MDN1: variants seen among roughly 807,000 people sequenced by gnomAD.
MDN1 encodes midasin.
Under a neutral mutation model 669.2 loss-of-function variants are expected in MDN1, and 266 were observed. The ratio of observed to expected loss-of-function variants is 0.40; its 90% CI spans 0.36 to 0.44. The LOEUF (loss-of-function observed/expected upper bound fraction) is 0.44, where lower values mean the gene tolerates loss of function less well. Ranked by LOEUF, MDN1 falls within the 20% of genes least tolerant of loss-of-function variation. The pLI, the probability that MDN1 is intolerant of heterozygous loss-of-function variation, is 1.00. For missense variants in MDN1, 5,940 were observed against 6,754.0 expected, an observed-to-expected ratio of 0.88 and a Z score of 4.22; for synonymous variants, 2,385 against 2,457.1, an observed-to-expected ratio of 0.97 and a Z score of 0.87.
intron 17 of MDN1, among the ~76,000 whole-genome samples, chr6:89,759,352 C>T (rs976922790): frequency 6.6e-6 from 1 of 152,214 alleles, no homozygotes; most frequent in Non-Finnish European, 1.5e-5. Context: ...GATTGTCATA[C>T]ACTGCCTTTC....
At position 89,751,601 on chromosome 6, in the gene MDN1, C is replaced by T. The variant is rs773766917; in HGVS notation, c.3076-19G>A. 6.2e-6 allele frequency: 10 copies of T among 1,610,134 alleles called. No individual in the cohort carries two copies. The highest frequency in any genetic ancestry group is 8.5e-6 in the Non-Finnish European group (10 of 1,178,344). ...GAATAGGCTGAAAGACACAGAAGTT[C>T]AAGGAATAACCCACAGTTGTACATT... On this transcript the variant is annotated intron_variant, in intron 22 of 101. Transcript: ENST00000369393.
At chr6:89,817,843 G>T (rs1584418022) in intron 1 of MDN1, among the ~76,000 whole-genome samples, 1 of 129,416 alleles carries the variant, frequency 7.7e-6, no homozygotes, top group Admixed American at 7.9e-5. Flanking sequence ...ACGGATAACT[G>T]TTGTAAGGGG....
chr6:89,798,346 C>G (rs2128328133), intron 2 of MDN1, among the ~76,000 whole-genome samples: 1 of 151,816 alleles, frequency 6.6e-6, no homozygotes, highest in East Asian at 2.0e-4. Flanking sequence ...AACCCCGTCT[C>G]TACTAAAAAG....
chr6:89,689,947 G>C lies in MDN1; in HGVS notation c.10946C>G (p.Ala3649Gly). The C allele has an allele frequency of 6.2e-7, 1 of 1,614,232 alleles. No homozygotes were observed. Among genetic ancestry groups the C allele is most frequent in the Non-Finnish European group, 8.5e-7 (1 of 1,180,036 alleles). The part of the protein sequence containing the change: ...WYQQTLPPHE[A>G]KHYLSLFLSC... ...CAGAAACAGGCTGAGGTAATGCTTT[G>C]CTTCATGTGGCGGCAGAGTCTGTTG... The change falls in exon 65 of 102, where the codon GCA becomes GGA. Residue 3649 changes from alanine (A) to glycine (G), a missense_variant. Around this residue, in one of 5 missense-constraint regions of MDN1, gnomAD observed 2,280 missense variants for 2,576.3 expected, o/e 0.88. Coordinates refer to ENST00000369393, the MANE Select transcript of MDN1 (RefSeq NM_014611.3).
Position 89,696,533 on chromosome 6 carries a change from G to A in MDN1, c.9210C>T (p.Cys3070=). The part of the protein sequence containing the change: ...NLNRPIFSKC[C]FEVLTSSWRA... ...TCCAGCTGCTGGTTAAGACTTCAAAGCAGCACTTAGAGAATATGGGTCTAT... is the reference window on the plus strand; with the variant it reads ...TCCAGCTGCTGGTTAAGACTTCAAAACAGCACTTAGAGAATATGGGTCTAT... Residue 3070 remains cysteine (C), a synonymous_variant, in exon 60 of 102, where the codon TGC becomes TGT. Coordinates refer to ENST00000369393, the MANE Select transcript of MDN1 (RefSeq NM_014611.3). 6.2e-7 allele frequency: 1 copy of A among 1,614,176 alleles called. No individual in the cohort carries two copies. Among genetic ancestry groups the A allele is most frequent in the South Asian group, 1.1e-5 (1 of 91,090 alleles).
At chr6:89,749,071 A>G (rs1816820151) in intron 26 of MDN1, 152 bp downstream of exon 26, 5 of 739,020 alleles carry the variant, frequency 6.8e-6, no homozygotes, top group African/African-American at 1.8e-5. Flanking sequence ...CTTGCAAAAA[A>G]TAAATAATAA....
intron 46 of MDN1, among the ~76,000 whole-genome samples, chr6:89,713,710 CT>C (rs1814114811): frequency 6.6e-6 from 1 of 152,144 alleles, no homozygotes. Context: ...CTCTCTGAGT[CT>C]TATCTGAAAA....
At chr6:89,671,133 G>A in intron 82 of MDN1, 53 bp from the exon 83 acceptor site, 1 of 1,570,970 alleles carries the variant, frequency 6.4e-7, no homozygotes, top group Non-Finnish European at 8.7e-7. Flanking sequence ...CAGGTACCAG[G>A]TTTCCATTCT....
intron 84 of MDN1, among the ~76,000 whole-genome samples, chr6:89,666,497 T>C (rs927831148): frequency 1.3e-5 from 2 of 152,168 alleles, no homozygotes; most frequent in East Asian, 1.9e-4. Context: ...TTTTTTGTTT[T>C]GTTTTGTTTT....
At chr6:89,704,150 G>A (rs1009410538) in intron 53 of MDN1, among the ~76,000 whole-genome samples, 3 of 151,978 alleles carry the variant, frequency 2.0e-5, no homozygotes, top group African/African-American at 7.3e-5. Flanking sequence ...GGAGGTTGAC[G>A]CAGGTGGATC....
rs1816559139 is a variant in MDN1 at position 89,745,481 on chromosome 6, G to C, written c.4039+11C>G. 1 of 1,613,964 alleles carries C rather than the reference G, an allele frequency of 6.2e-7. No homozygotes were observed. The highest frequency in any genetic ancestry group is 1.3e-5 in the African/African-American group (1 of 75,004). On this transcript the variant is annotated intron_variant, in intron 28 of 101. Coordinates refer to ENST00000369393, the MANE Select transcript of MDN1 (RefSeq NM_014611.3). ...CAAATCATATTCCTCTAGGGATTTT[G>C]GCCTACTCACCCAGCAATTTTAGAA...
chr6:89,683,947 G>T, intron 71 of MDN1, 43 bp from the exon 72 acceptor site: 1 of 1,404,032 alleles, frequency 7.1e-7, no homozygotes, highest in Non-Finnish European at 1.0e-6. Flanking sequence ...TATAAAGCTA[G>T]TGTCATTCTG....
In MDN1 at chr6:89,696,558, T is replaced by C. The variant is rs146744786; in HGVS notation, c.9185A>G (p.Asn3062Ser). ...GCAGCACTTAGAGAATATGGGTCTA[T>C]TGAGATTGCCGGGGCCCTAAAGGAC... ...DSTLKGPGNL[N>S]RPIFSKCCFE... The change falls in exon 60 of 102, where the codon AAT (asparagine) becomes AGT (serine). Residue 3062 changes from asparagine (N) to serine (S), a missense_variant. Physicochemically the swap from Asn to Ser is conservative, Grantham distance 46. Coordinates refer to ENST00000369393, the MANE Select transcript of MDN1 (RefSeq NM_014611.3). The C allele has an allele frequency of 2.1e-5, 34 of 1,613,808 alleles. No homozygotes were observed. The highest frequency in any genetic ancestry group is 1.6e-4 in the Middle Eastern group (1 of 6,076).
intron 61 of MDN1, 143 bp from the exon 62 acceptor site, chr6:89,694,326 T>TA: frequency 1.5e-6 from 1 of 651,886 alleles, no homozygotes; most frequent in Non-Finnish European, 2.7e-6. Context: ...TCTGCTCCAT[T>TA]AATCTACACC....
At chr6:89,694,575 G>A (rs371287648) in intron 61 of MDN1, among the ~76,000 whole-genome samples, 14 of 152,058 alleles carry the variant, frequency 9.2e-5, no homozygotes, top group African/African-American at 2.7e-4. Flanking sequence ...ACAAGGTCTC[G>A]GCTCTGTAGC....
intron 26 of MDN1, among the ~76,000 whole-genome samples, chr6:89,747,747 C>T (rs746364221): frequency 3.3e-5 from 5 of 150,770 alleles, no homozygotes; most frequent in Non-Finnish European, 7.4e-5. Flanking sequence ...AAAAATTAGC[C>T]GGGCGTGGTG....
chr6:89,680,729 T>G lies in MDN1; in HGVS notation c.12125A>C (p.Gln4042Pro). The G allele has an allele frequency of 6.2e-7, 1 of 1,614,100 alleles. No individual in the cohort carries two copies. Among genetic ancestry groups the G allele is most frequent in the Non-Finnish European group, 8.5e-7 (1 of 1,179,988 alleles). The change falls in exon 74 of 102, where the codon CAG (glutamine) becomes CCG (proline). Residue 4042 changes from glutamine (Q) to proline (P), a missense_variant. Gln to Pro is a moderately conservative substitution (Grantham distance 76, BLOSUM62 -1). Transcript: ENST00000369393. ...AGQATIPEWC[Q>P]GAAPSGLEGE... ...TTCCAAGCCGGAAGGAGCAGCGCCC[T>G]GACACCACTCTGGAATTGTGGCCTG... is the stretch of plus-strand genomic sequence containing the variant.
In MDN1 at chr6:89,794,590, T is replaced by C; in HGVS notation, c.541A>G (p.Thr181Ala). ...ACAGCTACGCACCAGCGAACCAAGG[T>C]GTCATGGCTTCTGAGGAGAGGGACA... Reference protein sequence around the residue: ...VCVPLLRSHDTLVRWYTANCL... With the variant: ...VCVPLLRSHDALVRWYTANCL... Residue 181 changes from threonine to alanine, a missense_variant, in exon 3 of 102, where the codon ACC (threonine) becomes GCC (alanine). By Grantham distance (58) the Thr-to-Ala change is moderately conservative (BLOSUM62 0). Coordinates refer to ENST00000369393, the MANE Select transcript of MDN1 (RefSeq NM_014611.3). 1 of 1,612,892 alleles carries C rather than the reference T, an allele frequency of 6.2e-7. No individual in the cohort carries two copies. The highest frequency in any genetic ancestry group is 8.5e-7 in the Non-Finnish European group (1 of 1,180,006).
intron 65 of MDN1, among the ~76,000 whole-genome samples, chr6:89,689,573 C>T (rs141594838): frequency 1.2e-3 from 185 of 152,298 alleles, no homozygotes; most frequent in South Asian, 5.8e-3. Context: ...AACACATACA[C>T]GTACACATTT....
Sources: gnomAD v4.1 joint callset for allele counts (sites outside exome capture counted in the v4.1 genomes callset) on GRCh38, gnomAD v4.1.1 for gene constraint, gnomAD v4.1.1 regional missense constraint, MANE v1.5 for transcripts, NCBI Gene and HGNC (gene_info 2026-07-23, HGNC 2026-07-21) for gene names.